The following CLCN4 variants were observed in gnomAD, a reference collection of about 807,000 sequenced individuals.
CLCN4 encodes the protein H(+)/Cl(-) exchange transporter 4.
CLCN4 carries 1 observed loss-of-function variant against 41.7 expected under a neutral mutation model. That is an observed-to-expected ratio of 0.02 (90% confidence interval 0.01 to 0.11). The LOEUF (loss-of-function observed/expected upper bound fraction) is 0.11, where lower values mean the gene tolerates loss of function less well. CLCN4 is among the 10% of genes least tolerant of loss of function. The pLI, the probability that CLCN4 is intolerant of heterozygous loss-of-function variation, is 1.00. For synonymous variants in CLCN4, 277 were observed against 285.8 expected, an observed-to-expected ratio of 0.97 and a Z score of 0.31; for missense variants, 287 against 661.0, an observed-to-expected ratio of 0.43 and a Z score of 6.20.
At chrX:10,199,986 T>C (rs778742070) in intron 6 of CLCN4, among the ~76,000 whole-genome samples, 1 of 111,712 alleles carries the variant, frequency 9.0e-6, no homozygotes, top group Admixed American at 9.5e-5. Context: ...CCTAGCCTCA[T>C]GTGATCCATC....
chrX:10,185,088 AGC>A lies in CLCN4; in HGVS notation c.57_58del (p.Glu19AspfsTer4). ...GGAAACCTGATGGATTTCCTCGATGAGCCGTTCCCTGATGTGGGGACGTATGA... is the reference window on the plus strand; with the variant it reads ...GGAAACCTGATGGATTTCCTCGATGACGTTCCCTGATGTGGGGACGTATGA... On this transcript the variant is annotated frameshift_variant, in exon 3 of 13. Coordinates refer to ENST00000380833, the MANE Select transcript of CLCN4 (RefSeq NM_001830.4). LOFTEE classifies it high-confidence loss of function. 8.3e-6 allele frequency: 10 copies of A among 1,210,073 alleles called. No homozygotes were observed. Among genetic ancestry groups the A allele is most frequent in the Non-Finnish European group, 1.1e-5 (10 of 894,326 alleles).
chrX:10,183,048 C>T (rs1469517911), intron 2 of CLCN4, among the ~76,000 whole-genome samples: 3 of 111,883 alleles, frequency 2.7e-5, no homozygotes, highest in African/African-American at 9.8e-5. Context: ...GGTCAACAGC[C>T]TGTCGTCTTG....
At chrX:10,184,025 C>A (rs1416275147) in intron 2 of CLCN4, among the ~76,000 whole-genome samples, 1 of 111,942 alleles carries the variant, frequency 8.9e-6, no homozygotes, top group Non-Finnish European at 1.9e-5. Context: ...TGGGCTCCCA[C>A]CAACTCATTA....
chrX:10,229,888 A>G (rs1327223497), intron 12 of CLCN4, among the ~76,000 whole-genome samples: 1 of 112,272 alleles, frequency 8.9e-6, no homozygotes, highest in Non-Finnish European at 1.9e-5. Flanking sequence ...AGCATGATTT[A>G]TATTCCTTTG....
At chrX:10,175,174 C>T (rs2055339875) in intron 2 of CLCN4, among the ~76,000 whole-genome samples, 2 of 111,341 alleles carry the variant, frequency 1.8e-5, no homozygotes, top group African/African-American at 3.3e-5. Context: ...TGGTGGGCTA[C>T]GCAGTTAGGA....
intron 11 of CLCN4, among the ~76,000 whole-genome samples, chrX:10,214,588 C>T (rs993400514): frequency 3.5e-5 from 4 of 113,033 alleles, no homozygotes; most frequent in African/African-American, 6.4e-5. Flanking sequence ...AAGTCTTTTG[C>T]TTCACTTTGT....
rs192769543 is a variant in CLCN4, at chrX:10,194,840, C to T, written c.245-71C>T. 257 of 1,075,952 alleles carry T rather than the reference C, an allele frequency of 2.4e-4. 2 individuals are homozygous for T. In the East Asian group the frequency reaches 4.9e-3, roughly 20 times the overall value. The allele number at this position is 1,075,952 out of a possible 1,213,427, so 88.7% of individuals were successfully genotyped here. On this transcript the variant is annotated intron_variant, in intron 4 of 12. Transcript: ENST00000380833. Reference sequence around the variant, plus strand: ...TCATTGCTGATGTGCCCCTGTCTGGCCGCCGTGTTGGTCTCATTCTTGTCG... The same window carrying T: ...TCATTGCTGATGTGCCCCTGTCTGGTCGCCGTGTTGGTCTCATTCTTGTCG...
At chrX:10,197,911 C>G in intron 5 of CLCN4, 28 bp from the exon 6 acceptor site, 1 of 1,207,791 alleles carries the variant, frequency 8.3e-7, no homozygotes, top group Non-Finnish European at 1.1e-6. Flanking sequence ...GCTAATGTTT[C>G]CTTTTGTGTT....
rs376156924 is a variant in CLCN4 at position 10,220,812 on chromosome X, G to A, written c.2127G>A (p.Pro709=). ...LSPFTVTDHT[P]METVVDIFRK... ...CGTTTACAGTGACAGACCACACTCC[G>A]ATGGAAACGGTGGTGGATATCTTCC... The change falls in exon 12 of 13, where the codon CCG becomes CCA. Residue 709 remains proline (P), a synonymous_variant. Transcript: ENST00000380833. 1.9e-5 allele frequency: 23 copies of A among 1,210,270 alleles called. No homozygotes were observed. In the African/African-American group the frequency reaches 3.0e-4, roughly 16 times the overall value.
At chrX:10,172,128 C>T (rs1393974033) in intron 2 of CLCN4, among the ~76,000 whole-genome samples, 1 of 112,100 alleles carries the variant, frequency 8.9e-6, no homozygotes, top group Non-Finnish European at 1.9e-5. Context: ...CTCAGGTCTG[C>T]TATATTACGT....
Position 10,234,778 on chromosome X carries a change from A to G in CLCN4, c.*1194A>G, listed in dbSNP as rs910906784. On this transcript the variant is annotated 3_prime_UTR_variant, in exon 13 of 13. Transcript: ENST00000380833. ...GGACAGCATTAAATTTTATATAGCC[A>G]ATTTGGGCACTGGGCATCTTTGTAT... 3.6e-5 allele frequency: 4 copies of G among 112,564 alleles called. No homozygotes were observed. The highest frequency in any genetic ancestry group is 7.5e-5 in the Non-Finnish European group (4 of 53,326). The allele number at this position is 112,564 out of a possible 1,213,427, so 9.3% of individuals were successfully genotyped here.
intron 8 of CLCN4, among the ~76,000 whole-genome samples, chrX:10,207,045 G>A (rs772061181): frequency 9.0e-6 from 1 of 110,762 alleles, no homozygotes; most frequent in East Asian, 2.8e-4. Context: ...CCAGCCTCCT[G>A]AGTAGCTGGG....
At position 10,208,626 on chromosome X, in the gene CLCN4, A is replaced by C. The variant is rs188933383; in HGVS notation, c.1389+36A>C. 1.5e-4 allele frequency: 170 copies of C among 1,138,965 alleles called. No homozygotes were observed. In the African/African-American group the frequency reaches 2.8e-3, roughly 19 times the overall value. 93.9% of individuals were successfully genotyped at this position (1,138,965 alleles called of 1,213,427 possible). On this transcript the variant is annotated intron_variant, in intron 9 of 12. Coordinates refer to ENST00000380833, the MANE Select transcript of CLCN4 (RefSeq NM_001830.4). ...GGGAAGGAAGATGGGGTGGGGACCC[A>C]TGTCCTTCTGGGGACAGCACCCTAC...
At chrX:10,233,315 G>A (rs1326496638) in intron 12 of CLCN4, among the ~76,000 whole-genome samples, 179 bp from the exon 13 acceptor site, 1 of 111,819 alleles carries the variant, frequency 8.9e-6, no homozygotes, top group Non-Finnish European at 1.9e-5. Context: ...AGCAGCATCT[G>A]TCACTTCCAC....
intron 11 of CLCN4, among the ~76,000 whole-genome samples, chrX:10,216,918 T>C (rs187799528): frequency 0.019 from 751 of 38,912 alleles, 27 homozygotes; most frequent in African/African-American, 0.055. Flanking sequence ...TATATATATA[T>C]ACACACACAC....
intron 12 of CLCN4, 126 bp from the exon 13 acceptor site, chrX:10,233,368 C>T: frequency 2.0e-6 from 1 of 507,346 alleles, no homozygotes; most frequent in East Asian, 3.6e-5. Flanking sequence ...CTCTGCCTAA[C>T]CACAAGGGAG....
Position 10,212,671 on chromosome X carries a change from G to C in CLCN4, c.1576+18G>C, listed in dbSNP as rs751550003. 1.3e-5 allele frequency: 16 copies of C among 1,186,046 alleles called. No homozygotes were observed. The highest frequency in any genetic ancestry group is 1.7e-5 in the Non-Finnish European group (15 of 876,185). On this transcript the variant is annotated intron_variant, in intron 10 of 12. Coordinates refer to ENST00000380833, the MANE Select transcript of CLCN4 (RefSeq NM_001830.4). ...CTGCCTCGGTACGACCATGGGTGGG[G>C]CAGGGAGGGGGACCGGGGAACTAAT...
At chrX:10,184,371 G>A (rs1008891201) in intron 2 of CLCN4, among the ~76,000 whole-genome samples, 1 of 111,578 alleles carries the variant, frequency 9.0e-6, no homozygotes, top group Non-Finnish European at 1.9e-5. Context: ...TCATAGATAC[G>A]TGTGTGTGTA....
intron 6 of CLCN4, among the ~76,000 whole-genome samples, chrX:10,202,903 C>CACCA (rs1447776130): frequency 2.7e-5 from 3 of 111,715 alleles, no homozygotes; most frequent in African/African-American, 9.8e-5. Context: ...TTCAGGTTAA[C>CACCA]ACCAGCAAGT....
Sources: gnomAD v4.1 joint callset for allele counts (sites outside exome capture counted in the v4.1 genomes callset) on GRCh38, gnomAD v4.1.1 for gene constraint, MANE v1.5 for transcripts, NCBI Gene and HGNC (gene_info 2026-07-23, HGNC 2026-07-21) for gene names.